PBX1: variants seen among roughly 807,000 people sequenced by gnomAD.
PBX1 encodes PBX homeobox 1, also known as pre-B-cell leukemia transcription factor 1.
A neutral mutation model predicts 53.4 loss-of-function variants in PBX1; 6 were observed. The ratio of observed to expected loss-of-function variants is 0.11; its 90% CI spans 0.06 to 0.22. The LOEUF (loss-of-function observed/expected upper bound fraction) is 0.22. PBX1 is among the 10% of genes least tolerant of loss of function. The pLI, the probability that PBX1 is intolerant of heterozygous loss-of-function variation, is 1.00. For synonymous variants in PBX1, 204 were observed against 212.3 expected (o/e 0.96, Z 0.34); for missense variants, 251 against 551.4 (o/e 0.46, Z 5.46).
chr1:164,666,304 A>G (rs1326227783), intron 2 of PBX1, among the ~76,000 whole-genome samples: 1 of 152,228 alleles, frequency 6.6e-6, no homozygotes, highest in African/African-American at 2.4e-5. Flanking sequence ...TCATATCTGC[A>G]TTCAGTGGAC....
intron 2 of PBX1, among the ~76,000 whole-genome samples, chr1:164,745,760 G>A (rs188419678): frequency 1.1e-3 from 163 of 152,346 alleles, no homozygotes; most frequent in Admixed American, 2.2e-3. Context: ...GCCCATCTGC[G>A]ATAGGACTTT....
In PBX1 at chr1:164,565,648, A is replaced by G. The variant is rs541589153; in HGVS notation, c.265+2337A>G. ...AACCCTTTGATTCTAAAGCACGATT[A>G]CTTGGCTACTCAAGACCCTGGAACC... is the stretch of plus-strand genomic sequence containing the variant. On this transcript the variant is annotated intron_variant, in intron 2 of 8. Coordinates refer to ENST00000420696, the MANE Select transcript of PBX1 (RefSeq NM_002585.4). Among the ~76,000 whole-genome samples the G allele has an allele frequency of 7.2e-5, 11 of 152,186 alleles. No individual in the cohort carries two copies. In the South Asian group the frequency reaches 2.3e-3, roughly 32 times the overall value.
chr1:164,648,094 C>T (rs1050425964), intron 2 of PBX1, among the ~76,000 whole-genome samples: 5 of 151,994 alleles, frequency 3.3e-5, no homozygotes, highest in Admixed American at 6.5e-5. Context: ...GGATTGCAGG[C>T]GTGAGCCACC....
At chr1:164,575,759 A>G (rs1371502109) in intron 2 of PBX1, among the ~76,000 whole-genome samples, 3 of 152,084 alleles carry the variant, frequency 2.0e-5, no homozygotes, top group Non-Finnish European at 2.9e-5. Context: ...CCCTGCTTAC[A>G]TTAATAAATA....
chr1:164,706,336 T>G (rs1235420299), intron 2 of PBX1, among the ~76,000 whole-genome samples: 3 of 152,344 alleles, frequency 2.0e-5, no homozygotes, highest in East Asian at 3.9e-4. Context: ...CTAAATGTCT[T>G]TCTGATAAGC....
intron 8 of PBX1, among the ~76,000 whole-genome samples, chr1:164,825,918 T>C (rs1016033568): frequency 6.6e-6 from 1 of 152,134 alleles, no homozygotes; most frequent in Non-Finnish European, 1.5e-5. Flanking sequence ...AACATAACAT[T>C]GTTGTAACTG....
intron 8 of PBX1, chr1:164,828,849 T>C (rs1163074410): frequency 6.6e-6 from 1 of 152,190 alleles, no homozygotes; most frequent in African/African-American, 2.4e-5. Flanking sequence ...TAGGAAGAGT[T>C]CCATGTTCTT....
intron 2 of PBX1, among the ~76,000 whole-genome samples, chr1:164,627,208 C>T (rs1658103951): frequency 6.6e-6 from 1 of 151,844 alleles, no homozygotes; most frequent in East Asian, 1.9e-4. Flanking sequence ...CCCTTTTTTC[C>T]TTAAGGAAAA....
At chr1:164,690,405 G>A (rs891284201) in intron 2 of PBX1, among the ~76,000 whole-genome samples, 2 of 152,152 alleles carry the variant, frequency 1.3e-5, no homozygotes, top group Admixed American at 6.5e-5. Context: ...GGGCTGGAAA[G>A]GTCTCTCTAG....
intron 2 of PBX1, among the ~76,000 whole-genome samples, chr1:164,603,961 T>TTTTTTTTTTA (rs1553214847): frequency 1.5e-5 from 2 of 132,032 alleles, no homozygotes; most frequent in African/African-American, 5.7e-5. Flanking sequence ...TTTTTTTTTT[T>TTTTTTTTTTA]TAGAGATGAG....
At chr1:164,619,979 G>A (rs528876613) in intron 2 of PBX1, among the ~76,000 whole-genome samples, 5 of 152,256 alleles carry the variant, frequency 3.3e-5, no homozygotes, top group Non-Finnish European at 5.9e-5. Context: ...TTTGAGACCA[G>A]CCTAAGCATT....
intron 2 of PBX1, among the ~76,000 whole-genome samples, chr1:164,627,266 C>T (rs1249598930): frequency 1.3e-5 from 2 of 151,990 alleles, no homozygotes; most frequent in Non-Finnish European, 2.9e-5. Flanking sequence ...AGTTACAGTC[C>T]CCTTTCATAG....
intron 2 of PBX1, among the ~76,000 whole-genome samples, chr1:164,627,675 G>C (rs970718451): frequency 2.6e-5 from 4 of 152,192 alleles, no homozygotes; most frequent in African/African-American, 4.8e-5. Context: ...GCTCTGGAAG[G>C]AATAGACGAT....
rs1571544676 is a variant in PBX1 at position 164,867,963 on chromosome 1, C to T, written n.258-31225C>T. 4.6e-5 allele frequency among the ~76,000 whole-genome samples: 7 copies of T among 152,318 alleles called. 2 individuals carry two copies. Among genetic ancestry groups the T allele is most frequent in the Admixed American group, 4.6e-4 (7 of 15,302 alleles). On this transcript the variant is annotated intron_variant and non_coding_transcript_variant, in intron 2 of 2. Coordinates refer to the PBX1 transcript ENST00000558796. ...CATTATCTTCTTTTCATACACTCCT[C>T]CTAATACCCGTCTAAATATCACAGA...
intron 2 of PBX1, among the ~76,000 whole-genome samples, chr1:164,686,319 G>C (rs1780362): frequency 0.92 from 139,737 of 152,250 alleles, 64,167 homozygotes; most frequent in East Asian, 0.94. Context: ...TTTCTCTGCT[G>C]TGTCAAATAT....
At chr1:164,680,531 G>A (rs1284181961) in intron 2 of PBX1, 1 of 152,198 alleles carries the variant, frequency 6.6e-6, no homozygotes, top group African/African-American at 2.4e-5. Flanking sequence ...TACAATGACT[G>A]CTACAGGGCT....
intron 5 of PBX1, among the ~76,000 whole-genome samples, chr1:164,809,812 C>T (rs1669520608): frequency 6.6e-6 from 1 of 152,120 alleles, no homozygotes; most frequent in African/African-American, 2.4e-5. Context: ...CCTCAGATCC[C>T]TAAAGAGCCC....
intron 2 of PBX1, among the ~76,000 whole-genome samples, chr1:164,594,603 A>G (rs1408647968): frequency 1.3e-5 from 2 of 152,244 alleles, no homozygotes; most frequent in East Asian, 3.8e-4. Context: ...CTTTAAATTT[A>G]AGTAGAAAAT....
chr1:164,881,764 T>C (rs984467445), intron 2 of PBX1, among the ~76,000 whole-genome samples: 7 of 152,160 alleles, frequency 4.6e-5, no homozygotes, highest in African/African-American at 1.7e-4. Context: ...GTAAGTTACA[T>C]TGGCTGCTAT....
Sources: allele counts gnomAD v4.1 joint callset (sites outside exome capture counted in the v4.1 genomes callset), GRCh38; gene constraint gnomAD v4.1.1; transcripts MANE v1.5; gene names NCBI Gene and HGNC (gene_info 2026-07-23, HGNC 2026-07-21).